The following DLC1 variants were observed in gnomAD, a reference collection of about 807,000 sequenced individuals.
DLC1 encodes rho GTPase-activating protein 7.
Under a neutral mutation model 140.3 loss-of-function variants are expected in DLC1, and 54 were observed. The observed-to-expected ratio is 0.38, with a 90% CI of 0.31 to 0.48. The LOEUF (loss-of-function observed/expected upper bound fraction) is 0.48, where lower values mean the gene tolerates loss of function less well. DLC1 is among the 20% of genes least tolerant of loss of function. DLC1 has a pLI of 0.96. For synonymous variants in DLC1, 986 were observed against 728.1 expected, an observed-to-expected ratio of 1.35 and a Z score of -5.70; for missense variants, 2,536 against 1,907.0, an observed-to-expected ratio of 1.33 and a Z score of -6.14.
chr8:13,105,672 G>T (rs1446674140), intron 7 of DLC1, among the ~76,000 whole-genome samples: 1 of 149,772 alleles, frequency 6.7e-6, no homozygotes, highest in Non-Finnish European at 1.5e-5. Flanking sequence ...CCGCCTCCCC[G>T]TTTCAAGCAA....
In DLC1 at chr8:13,393,913, A is replaced by G. The variant is rs1021095; in HGVS notation, c.1174-220T>C. Among the ~76,000 whole-genome samples, 60,480 of 152,096 alleles carry G rather than the reference A, an allele frequency of 0.4. 13,088 individuals carry two copies. The highest frequency in any genetic ancestry group is 0.49 in the Non-Finnish European group (33,154 of 67,970). Reference sequence around the variant, plus strand: ...GTCTGCAAATACTTGAGAAAGAGGTAACATACTATTTGGTAATTTAACAGC... The same window carrying G: ...GTCTGCAAATACTTGAGAAAGAGGTGACATACTATTTGGTAATTTAACAGC... On this transcript the variant is annotated intron_variant, in intron 3 of 17. Coordinates refer to ENST00000276297, the MANE Select transcript of DLC1 (RefSeq NM_182643.3).
At chr8:13,431,437 C>G (rs1838858856) in intron 2 of DLC1, among the ~76,000 whole-genome samples, 1 of 127,102 alleles carries the variant, frequency 7.9e-6, no homozygotes, top group Non-Finnish European at 1.6e-5. Context: ...GAGCCAAGAT[C>G]ACGCCACTGC....
intron 5 of DLC1, among the ~76,000 whole-genome samples, chr8:13,155,206 G>T (rs893097833): frequency 8.0e-5 from 12 of 150,320 alleles, no homozygotes; most frequent in African/African-American, 2.9e-4. Flanking sequence ...AGTATGCATA[G>T]AATTCTATTA....
chr8:13,317,312 CA>C (rs1372282778), intron 4 of DLC1, among the ~76,000 whole-genome samples: 2 of 152,124 alleles, frequency 1.3e-5, no homozygotes, highest in African/African-American at 2.4e-5. Flanking sequence ...TGAATTGCTT[CA>C]ATACTAATTT....
intron 1 of DLC1, among the ~76,000 whole-genome samples, chr8:13,535,233 A>G (rs1055943651): frequency 6.6e-6 from 1 of 152,150 alleles, no homozygotes; most frequent in Non-Finnish European, 1.5e-5. Context: ...AGTCATGTGT[A>G]CATCTCTGTG....
Position 13,499,912 on chromosome 8 carries a change from G to A in DLC1, c.160C>T (p.Arg54Cys), listed in dbSNP as rs368389913. The change falls in exon 2 of 18, where the codon CGC (arginine) becomes TGC (cysteine). Residue 54 changes from arginine (R) to cysteine (C), a missense_variant. By Grantham distance (180) the Arg-to-Cys change is radical. Transcript: ENST00000276297. ...GGTAGTGAAACACACTTCTCTTTGC[G>A]GTCCACATTTAGAGTTGCATCTTTT... ...MEKDATLNVD[R>C]KEKCVSLPDC... 17 of 1,613,956 alleles carry A rather than the reference G, an allele frequency of 1.1e-5. No individual in the cohort carries two copies. The South Asian group carries it at 1.4e-4, about 14-fold the overall frequency.
chr8:13,497,089 C>G (rs1402367913), intron 2 of DLC1, among the ~76,000 whole-genome samples: 1 of 152,008 alleles, frequency 6.6e-6, no homozygotes, highest in Non-Finnish European at 1.5e-5. Context: ...CATGAGACAC[C>G]GCGCCTGGCC....
intron 5 of DLC1, among the ~76,000 whole-genome samples, chr8:13,170,459 G>C (rs527576927): frequency 6.6e-6 from 1 of 152,098 alleles, no homozygotes; most frequent in Admixed American, 6.5e-5. Flanking sequence ...GGCCGGGCGC[G>C]GTGGCTCACG....
intron 5 of DLC1, among the ~76,000 whole-genome samples, chr8:13,256,877 C>CT (rs1323825632): frequency 1.4e-4 from 16 of 110,348 alleles, no homozygotes; most frequent in African/African-American, 6.2e-4. Context: ...TATCCCAGAA[C>CT]TTAAAAAAAA....
chr8:13,432,942 C>CTT (rs35776848), intron 2 of DLC1, among the ~76,000 whole-genome samples: 40 of 93,004 alleles, frequency 4.3e-4, no homozygotes, highest in Admixed American at 2.0e-3. Context: ...TCCTCTCTTC[C>CTT]TTTTTTTTTT....
chr8:13,129,072 G>T (rs1821856757), intron 5 of DLC1, among the ~76,000 whole-genome samples: 1 of 152,150 alleles, frequency 6.6e-6, no homozygotes, highest in Admixed American at 6.5e-5. Context: ...GAGGACAGAA[G>T]GAGCCCTTCT....
rs755868313 is a variant in DLC1 at position 13,141,988 on chromosome 8, T to C, written c.1349-26331A>G. Among the ~76,000 whole-genome samples the C allele has an allele frequency of 4.6e-5, 7 of 152,290 alleles. No homozygotes were observed. In the South Asian group the frequency reaches 1.2e-3, roughly 27 times the overall value. On this transcript the variant is annotated intron_variant, in intron 5 of 17. Transcript: ENST00000276297. ...TAGGGAGGCACCTACTGGGAAATGA[T>C]TGGATTACGGGGGTGGTTTCTCCAT...
chr8:13,266,389 G>A (rs1830689499), intron 5 of DLC1, among the ~76,000 whole-genome samples: 1 of 152,116 alleles, frequency 6.6e-6, no homozygotes, highest in Admixed American at 6.5e-5. Flanking sequence ...AAAGAAAAAG[G>A]CCTAGTTTCT....
At chr8:13,601,322 A>T (rs1251327150) in intron 1 of DLC1, among the ~76,000 whole-genome samples, 1 of 151,788 alleles carries the variant, frequency 6.6e-6, no homozygotes, top group Non-Finnish European at 1.5e-5. Flanking sequence ...GCTATCTTAT[A>T]CTTCAGTGTA....
At chr8:13,216,330 A>G (rs958700783) in intron 5 of DLC1, among the ~76,000 whole-genome samples, 1 of 152,218 alleles carries the variant, frequency 6.6e-6, no homozygotes, top group Admixed American at 6.5e-5. Flanking sequence ...GAGAAAACTC[A>G]CATGATTTGT....
intron 2 of DLC1, among the ~76,000 whole-genome samples, chr8:13,402,976 A>G (rs1837364764): frequency 6.6e-6 from 1 of 152,186 alleles, no homozygotes; most frequent in South Asian, 2.1e-4. Flanking sequence ...ATCAGATTAA[A>G]TTTTTCAGAC....
At chr8:13,127,595 G>A (rs1384746884) in intron 5 of DLC1, among the ~76,000 whole-genome samples, 1 of 152,220 alleles carries the variant, frequency 6.6e-6, no homozygotes, top group Non-Finnish European at 1.5e-5. Context: ...TTTGTCACTT[G>A]AGTGTGAGGA....
intron 2 of DLC1, among the ~76,000 whole-genome samples, chr8:13,425,350 G>A (rs769011543): frequency 1.3e-5 from 2 of 152,186 alleles, no homozygotes; most frequent in Non-Finnish European, 2.9e-5. Flanking sequence ...GGCAGGGCAA[G>A]AAAATGGCAC....
chr8:13,571,081 C>G (rs766281644), intron 1 of DLC1, among the ~76,000 whole-genome samples: 1 of 152,180 alleles, frequency 6.6e-6, no homozygotes, highest in Non-Finnish European at 1.5e-5. Flanking sequence ...TTGATGTTAC[C>G]TATAAATAAC....
Sources: allele counts gnomAD v4.1 joint callset (sites outside exome capture counted in the v4.1 genomes callset), GRCh38; gene constraint gnomAD v4.1.1; transcripts MANE v1.5; gene names NCBI Gene and HGNC (gene_info 2026-07-23, HGNC 2026-07-21).